Variants in GNA13 observed in about 807,000 individuals in gnomAD.
GNA13 encodes guanine nucleotide-binding protein subunit alpha-13.
A neutral mutation model predicts 33.5 loss-of-function variants in GNA13; 4 were observed. The ratio of observed to expected loss-of-function variants is 0.12; its 90% CI spans 0.06 to 0.27. The LOEUF (loss-of-function observed/expected upper bound fraction) is 0.27, where lower values mean the gene tolerates loss of function less well. Ranked by LOEUF, GNA13 falls within the 10% of genes least tolerant of loss-of-function variation. The pLI, the probability that GNA13 is intolerant of heterozygous loss-of-function variation, is 1.00. For missense variants in GNA13, 319 were observed against 487.2 expected (o/e 0.65, Z 3.25); for synonymous variants, 176 against 183.8 (o/e 0.96, Z 0.34).
chr17:65,056,167 G>C (rs1190186592), intron 1 of GNA13, 144 bp downstream of exon 1: 1 of 563,520 alleles, frequency 1.8e-6, no homozygotes, highest in Non-Finnish European at 2.7e-6. Flanking sequence ...CAGTTGCCGG[G>C]GCGCGCCCCC....
chr17:65,051,683 G>A (rs777689933), intron 2 of GNA13, among the ~76,000 whole-genome samples: 1 of 152,156 alleles, frequency 6.6e-6, no homozygotes, highest in Non-Finnish European at 1.5e-5. Flanking sequence ...ACTCATGCAA[G>A]CAAATCTACC....
chr17:65,027,374 C>G (rs561668802), intron 2 of GNA13, among the ~76,000 whole-genome samples: 6 of 148,652 alleles, frequency 4.0e-5, no homozygotes, highest in African/African-American at 1.5e-4. Context: ...TCTCAAATTC[C>G]TAGGCTCAAG....
chr17:65,025,529 G>A (rs1369839461), intron 2 of GNA13, among the ~76,000 whole-genome samples: 2 of 152,092 alleles, frequency 1.3e-5, no homozygotes, highest in Non-Finnish European at 2.9e-5. Flanking sequence ...TGAGAAGCGC[G>A]GATGGGAAAA....
At chr17:65,030,758 A>C (rs1906972267) in intron 2 of GNA13, among the ~76,000 whole-genome samples, 1 of 152,218 alleles carries the variant, frequency 6.6e-6, no homozygotes, top group South Asian at 2.1e-4. Context: ...CATGCTTGTA[A>C]TCTCAGCACT....
chr17:65,056,623 CCCCTCCGGCT>C lies in GNA13; in HGVS notation c.-40_-31del. The C allele has an allele frequency of 6.3e-7, 1 of 1,587,724 alleles. No individual in the cohort carries two copies. The highest frequency in any genetic ancestry group is 1.7e-5 in the Admixed American group (1 of 59,436). On this transcript the variant is annotated 5_prime_UTR_variant, in exon 1 of 4. Transcript: ENST00000439174. The stretch of plus-strand genomic sequence containing the variant: ...CCGCCGCCGCCGCCGCCTCGGCGGG[CCCCTCCGGCT>C]CCCTCCACCTCCTCCTCCGGCGGCG...
Position 65,011,126 on chromosome 17 carries a change from A to G in GNA13, c.*3131T>C, listed in dbSNP as rs1298279155. The G allele has an allele frequency of 9.7e-6, 2 of 206,414 alleles. No homozygotes were observed. The highest frequency in any genetic ancestry group is 2.3e-5 in the African/African-American group (1 of 43,842). The allele number at this position is 206,414 out of a possible 1,614,324, so 12.8% of individuals were successfully genotyped here. The stretch of plus-strand genomic sequence containing the variant: ...AACCAATTTCTTCTTACAAAAAATG[A>G]TAAGGACATATGGTATTTGTTGAAT... On this transcript the variant is annotated 3_prime_UTR_variant, in exon 4 of 4. Coordinates refer to ENST00000439174, the MANE Select transcript of GNA13 (RefSeq NM_006572.6).
At chr17:65,041,996 G>A (rs887067928) in intron 2 of GNA13, among the ~76,000 whole-genome samples, 1 of 151,996 alleles carries the variant, frequency 6.6e-6, no homozygotes, top group African/African-American at 2.4e-5. Flanking sequence ...GACACACAAG[G>A]ACTAGCCATA....
chr17:65,056,569 A>G lies in GNA13; in HGVS notation c.25T>C (p.Ser9Pro). ...CCGGGGAAGCACACGGACAGCACGGACCGCGACGGCAGGAAGTCCGCCATC... is the reference window on the plus strand; with the variant it reads ...CCGGGGAAGCACACGGACAGCACGGGCCGCGACGGCAGGAAGTCCGCCATC... MADFLPSR[S>P]VLSVCFPGCL... is the part of the protein sequence containing the mutation. Residue 9 changes from serine to proline, a missense_variant, in exon 1 of 4, where the codon TCC becomes CCC. Ser to Pro is a moderately conservative substitution (Grantham distance 74, BLOSUM62 -1). Coordinates refer to ENST00000439174, the MANE Select transcript of GNA13 (RefSeq NM_006572.6). 6.2e-7 allele frequency: 1 copy of G among 1,607,430 alleles called. No individual in the cohort carries two copies. Among genetic ancestry groups the G allele is most frequent in the South Asian group, 1.1e-5 (1 of 90,860 alleles).
At chr17:65,052,466 T>C (rs1321750148) in intron 2 of GNA13, among the ~76,000 whole-genome samples, 1 of 152,238 alleles carries the variant, frequency 6.6e-6, no homozygotes, top group Non-Finnish European at 1.5e-5. Context: ...CAGTTTTACT[T>C]TTAACTGTCA....
intron 2 of GNA13, among the ~76,000 whole-genome samples, chr17:65,019,861 TGAAG>T (rs1350724894): frequency 6.6e-6 from 1 of 152,258 alleles, no homozygotes; most frequent in Non-Finnish European, 1.5e-5. Context: ...GATAAATGCC[TGAAG>T]GGAGAGATAC....
chr17:65,031,695 T>G (rs918610275), intron 2 of GNA13, among the ~76,000 whole-genome samples: 1 of 152,202 alleles, frequency 6.6e-6, no homozygotes, highest in African/African-American at 2.4e-5. Context: ...CAGGACTCAT[T>G]AAGCATATGC....
At chr17:65,039,925 T>A (rs1373888704) in intron 2 of GNA13, among the ~76,000 whole-genome samples, 1 of 152,212 alleles carries the variant, frequency 6.6e-6, no homozygotes, top group Non-Finnish European at 1.5e-5. Context: ...ATAACACATT[T>A]CCTGTAATCC....
chr17:65,055,524 C>T, intron 1 of GNA13: 1 of 762,794 alleles, frequency 1.3e-6, no homozygotes, highest in Non-Finnish European at 1.6e-6. Flanking sequence ...CCCTTCCTGC[C>T]AGCCCCCAGT....
chr17:65,036,645 G>A (rs1907261411), intron 2 of GNA13, among the ~76,000 whole-genome samples: 1 of 152,218 alleles, frequency 6.6e-6, no homozygotes, highest in African/African-American at 2.4e-5. Flanking sequence ...GACAGAGGTT[G>A]GAGTGAGCCT....
chr17:65,050,765 G>C (rs1306013168), intron 2 of GNA13, among the ~76,000 whole-genome samples: 1 of 152,132 alleles, frequency 6.6e-6, no homozygotes, highest in Non-Finnish European at 1.5e-5. Flanking sequence ...ACAATGCTGA[G>C]CGTAGACTCA....
intron 2 of GNA13, among the ~76,000 whole-genome samples, chr17:65,029,021 G>C (rs1041910678): frequency 3.9e-5 from 6 of 152,226 alleles, no homozygotes; most frequent in African/African-American, 1.4e-4. Context: ...AAGTTCACCT[G>C]AATGAGAAAC....
chr17:65,052,157 T>C (rs1012237703), intron 2 of GNA13: 2 of 152,214 alleles, frequency 1.3e-5, no homozygotes, highest in Admixed American at 1.3e-4. Flanking sequence ...AGCAGCTTAT[T>C]TATTTTTTTT....
chr17:65,033,602 A>G (rs1907134933), intron 2 of GNA13, among the ~76,000 whole-genome samples: 1 of 152,224 alleles, frequency 6.6e-6, no homozygotes, highest in African/African-American at 2.4e-5. Context: ...ATGAGGAACA[A>G]AACTTATAGC....
At position 65,022,102 on chromosome 17, in the gene GNA13, C is replaced by A. The variant is rs189093097; in HGVS notation, c.511-3799G>T. Among the ~76,000 whole-genome samples, 255 of 152,276 alleles carry A rather than the reference C, an allele frequency of 1.7e-3. 1 individual carries two copies. Among genetic ancestry groups the A allele is most frequent in the African/African-American group, 5.8e-3 (241 of 41,552 alleles). On this transcript the variant is annotated intron_variant, in intron 2 of 3. Transcript: ENST00000439174. ...ACCCAATGCCTGTTTTTGTACGGCT[C>A]ATTTTTAAATGGTTGGGGAAAAAAC...
Sources: allele counts gnomAD v4.1 joint callset (sites outside exome capture counted in the v4.1 genomes callset), GRCh38; gene constraint gnomAD v4.1.1; transcripts MANE v1.5; gene names NCBI Gene and HGNC (gene_info 2026-07-23, HGNC 2026-07-21).